The following ABCA1 variants were observed in gnomAD, a reference collection of about 807,000 sequenced individuals.
ABCA1 encodes phospholipid-transporting ATPase ABCA1.
Under a neutral mutation model 262.5 loss-of-function variants are expected in ABCA1, and 133 were observed. That is an observed-to-expected ratio of 0.51 (90% CI 0.44 to 0.59). The LOEUF (loss-of-function observed/expected upper bound fraction) is 0.59, where lower values mean the gene tolerates loss of function less well. Among genes scored for constraint, ABCA1 ranks in the 20% least tolerant of loss-of-function variants. The pLI is 0.00. For missense variants in ABCA1, 2,452 were observed against 2,777.5 expected (o/e 0.88, Z 2.63); for synonymous variants, 1,022 against 1,043.5 (o/e 0.98, Z 0.40).
intron 36 of ABCA1, 114 bp downstream of exon 36, chr9:104,799,705 A>G: frequency 6.3e-7 from 1 of 1,595,326 alleles, no homozygotes; most frequent in Non-Finnish European, 8.5e-7. Context: ...CAGATTTATC[A>G]TAATATAACG....
chr9:104,908,154 G>C (rs565999235), intron 1 of ABCA1, among the ~76,000 whole-genome samples: 53 of 152,286 alleles, frequency 3.5e-4, no homozygotes, highest in African/African-American at 1.2e-3. Context: ...AAAAGTGCTA[G>C]CATGTGTATG....
rs1163578920 is a variant in ABCA1 at position 104,832,627 on chromosome 9, C to T, written c.1456G>A (p.Glu486Lys). ...SSNGSVYTWREAFNETNQAIR... is the reference protein window; with the variant it reads ...SSNGSVYTWRKAFNETNQAIR... Reference sequence around the variant, plus strand: ...GCCTGGTTAGTCTCGTTGAAAGCTTCTCTCCAGGTGTACACAGAACCATTA... The same window carrying T: ...GCCTGGTTAGTCTCGTTGAAAGCTTTTCTCCAGGTGTACACAGAACCATTA... The change falls in exon 12 of 50, where the codon GAA becomes AAA. Residue 486 changes from glutamate (E) to lysine (K), a missense_variant. By Grantham distance (56) the Glu-to-Lys change is moderately conservative. This residue lies in a region of ABCA1 where 1,032 missense variants were observed against 1,089.7 expected (regional missense o/e 0.95). Coordinates refer to ENST00000374736, the MANE Select transcript of ABCA1 (RefSeq NM_005502.4). The T allele has an allele frequency of 6.2e-7, 1 of 1,614,168 alleles. No individual in the cohort carries two copies. Among genetic ancestry groups the T allele is most frequent in the African/African-American group, 1.3e-5 (1 of 75,024 alleles).
At position 104,798,581 on chromosome 9, in the gene ABCA1, T is replaced by G; in HGVS notation, c.4961A>C (p.Asp1654Ala). 1 of 1,614,100 alleles carries G rather than the reference T, an allele frequency of 6.2e-7. No homozygotes were observed. Among genetic ancestry groups the G allele is most frequent in the Non-Finnish European group, 8.5e-7 (1 of 1,180,012 alleles). ...SEVALMTTSV[D>A]VLVSICVIFA... ...GATGACACAGATGGACACAAGGACATCCACTGATGTGGTCATCCTGGAGAG... is the reference window on the plus strand; with the variant it reads ...GATGACACAGATGGACACAAGGACAGCCACTGATGTGGTCATCCTGGAGAG... The change falls in exon 37 of 50, where the codon GAT becomes GCT. Residue 1654 changes from aspartate (D) to alanine (A), a missense_variant. By Grantham distance (126) the Asp-to-Ala change is moderately radical. This residue lies in a region of ABCA1 where 752 missense variants were observed against 944.5 expected (regional missense o/e 0.80). Transcript: ENST00000374736.
intron 4 of ABCA1, 112 bp from the exon 5 acceptor site, chr9:104,883,269 A>G: frequency 1.1e-6 from 1 of 932,458 alleles, no homozygotes; most frequent in Non-Finnish European, 1.8e-6. Flanking sequence ...CAGGTCCTCC[A>G]CAGGCTGGCC....
rs372999938 is a variant in ABCA1 at position 104,818,703 on chromosome 9, G to A, written c.3422C>T (p.Ser1141Phe). ...CACAGTGCTACTACTGTTTCTGCAG[G>A]AACTGAGGGAGGATTCCACATCTTT... ...VKKDVESSLSSCRNSSSTVSY... is the reference protein window; with the variant it reads ...VKKDVESSLSFCRNSSSTVSY... The change falls in exon 23 of 50, where the codon TCC becomes TTC. Residue 1141 changes from serine to phenylalanine, a missense_variant. Coordinates refer to ENST00000374736, the MANE Select transcript of ABCA1 (RefSeq NM_005502.4). 2 of 1,613,524 alleles carry A rather than the reference G, an allele frequency of 1.2e-6. No homozygotes were observed. Among genetic ancestry groups the A allele is most frequent in the South Asian group, 1.1e-5 (1 of 91,038 alleles).
chr9:104,856,049 T>A, intron 7 of ABCA1: 4 of 1,611,524 alleles, frequency 2.5e-6, no homozygotes, highest in East Asian at 2.2e-5. Context: ...CTTGGCACAG[T>A]TAACTGCCCA....
At chr9:104,862,682 G>GACCCCCAC (rs1836682364) in intron 5 of ABCA1, among the ~76,000 whole-genome samples, 1 of 1,810 alleles carries the variant, frequency 5.5e-4, no homozygotes, top group African/African-American at 1.7e-3. Flanking sequence ...GCCGGGCCGG[G>GACCCCCAC]CCGGGCCGGG....
intron 22 of ABCA1, among the ~76,000 whole-genome samples, chr9:104,819,278 C>G (rs1184593643): frequency 6.6e-6 from 1 of 152,202 alleles, no homozygotes; most frequent in African/African-American, 2.4e-5. Flanking sequence ...GCTCCTCATA[C>G]TGTACCACAT....
In ABCA1 at chr9:104,821,484, G is replaced by A. The variant is rs756855757; in HGVS notation, c.2851C>T (p.Pro951Ser). The change falls in exon 20 of 50, where the codon CCC (proline) becomes TCC (serine). Residue 951 changes from proline (P) to serine (S), a missense_variant. Pro to Ser is a moderately conservative substitution (Grantham distance 74). Around this residue, in one of 4 missense-constraint regions of ABCA1, gnomAD observed 665 missense variants for 727.3 expected, o/e 0.91. Transcript: ENST00000374736. ...ATGTAGGCGGTGCCCGAGGTCGGGGGGAACAACCCGGTCAGGATTGACCTG... is the reference window on the plus strand; with the variant it reads ...ATGTAGGCGGTGCCCGAGGTCGGGGAGAACAACCCGGTCAGGATTGACCTG... ...TTMSILTGLF[P>S]PTSGTAYILG... 5.6e-6 allele frequency: 9 copies of A among 1,613,896 alleles called. No homozygotes were observed. The East Asian group carries it at 1.3e-4, about 24-fold the overall frequency.
chr9:104,821,001 T>C (rs1832279408), intron 20 of ABCA1, among the ~76,000 whole-genome samples: 2 of 152,192 alleles, frequency 1.3e-5, no homozygotes, highest in Non-Finnish European at 1.5e-5. Context: ...TCCCAGCACT[T>C]TGGGAGACCG....
In ABCA1 at chr9:104,832,518, G is replaced by A. The variant is rs112938029; in HGVS notation, c.1509+56C>T. On this transcript the variant is annotated intron_variant, in intron 12 of 49. Coordinates refer to ENST00000374736, the MANE Select transcript of ABCA1 (RefSeq NM_005502.4). ...CCTCCTGCCTGAACCTTATTGTAACGTCTCAGAGAAAGAAGCCGTTAAGTC... is the reference window on the plus strand; with the variant it reads ...CCTCCTGCCTGAACCTTATTGTAACATCTCAGAGAAAGAAGCCGTTAAGTC... The A allele has an allele frequency of 1.8e-5, 28 of 1,584,556 alleles. 1 individual carries two copies. Among genetic ancestry groups the A allele is most frequent in the African/African-American group, 1.1e-4 (8 of 74,394 alleles).
chr9:104,842,506 C>A (rs575329487), intron 8 of ABCA1, among the ~76,000 whole-genome samples: 7 of 152,142 alleles, frequency 4.6e-5, no homozygotes, highest in Non-Finnish European at 1.0e-4. Context: ...TTGAGTTATT[C>A]CAAACTATTG....
At chr9:104,821,093 A>C (rs928019344) in intron 20 of ABCA1, among the ~76,000 whole-genome samples, 2 of 152,016 alleles carry the variant, frequency 1.3e-5, no homozygotes, top group African/African-American at 4.8e-5. Context: ...AAACACAAAA[A>C]TTAGCTGGGC....
chr9:104,821,476 G>A lies in ABCA1; in HGVS notation c.2859C>T (p.Thr953=), dbSNP rs1832341476. 1 of 1,613,954 alleles carries A rather than the reference G, an allele frequency of 6.2e-7. No individual in the cohort carries two copies. The highest frequency in any genetic ancestry group is 1.3e-5 in the African/African-American group (1 of 74,926). Residue 953 remains threonine, a synonymous_variant, in exon 20 of 50, where the codon ACC becomes ACT. Coordinates refer to ENST00000374736, the MANE Select transcript of ABCA1 (RefSeq NM_005502.4). ...TTCCCAGGATGTAGGCGGTGCCCGA[G>A]GTCGGGGGGAACAACCCGGTCAGGA... The part of the protein sequence containing the change: ...MSILTGLFPP[T]SGTAYILGKD...
At chr9:104,856,066 A>T in intron 7 of ABCA1, 1 of 1,601,174 alleles carries the variant, frequency 6.2e-7, no homozygotes, top group South Asian at 1.1e-5. Flanking sequence ...CCCATGTGCA[A>T]TGTCATCACA....
intron 1 of ABCA1, among the ~76,000 whole-genome samples, chr9:104,913,837 C>T (rs985890034): frequency 1.3e-5 from 2 of 152,118 alleles, no homozygotes; most frequent in Admixed American, 6.5e-5. Flanking sequence ...GCTCTGTCGC[C>T]CAGGCTGGAG....
chr9:104,888,382 A>C (rs1373581122), intron 3 of ABCA1, among the ~76,000 whole-genome samples: 2 of 152,132 alleles, frequency 1.3e-5, no homozygotes, highest in East Asian at 3.9e-4. Context: ...GTGTCAATCC[A>C]CCCACTGAGC....
In ABCA1 at chr9:104,817,772, T is replaced by C. The variant is rs1376704110; in HGVS notation, c.3463-368A>G. 6.6e-6 allele frequency among the ~76,000 whole-genome samples: 1 copy of C among 152,224 alleles called. No individual in the cohort carries two copies. The highest frequency in any genetic ancestry group is 1.5e-5 in the Non-Finnish European group (1 of 68,042). On this transcript the variant is annotated intron_variant, in intron 23 of 49. Transcript: ENST00000374736. This position sits in a 1 kb window ranked among gnomAD's most constrained non-coding sequence, Gnocchi z 4.7. Reference sequence around the variant, plus strand: ...TGTGTTCAACCACTCAAGAACCTTGTTAAAATGCACAGATTCTGATTCGGT... The same window carrying C: ...TGTGTTCAACCACTCAAGAACCTTGCTAAAATGCACAGATTCTGATTCGGT...
chr9:104,822,699 A>T, intron 18 of ABCA1, 32 bp from the exon 19 acceptor site: 1 of 1,612,306 alleles, frequency 6.2e-7, no homozygotes, highest in Non-Finnish European at 8.5e-7. Flanking sequence ...AAATGAACCC[A>T]CAGAAAGCAC....
Sources: allele counts gnomAD v4.1 joint callset (sites outside exome capture counted in the v4.1 genomes callset), GRCh38; gene constraint gnomAD v4.1.1; regional missense constraint gnomAD v4.1.1; non-coding constraint Gnocchi (gnomAD v3.1); transcripts MANE v1.5; gene names NCBI Gene and HGNC (gene_info 2026-07-23, HGNC 2026-07-21).